Variants in BDH1 observed in about 807,000 individuals in gnomAD.
The protein encoded by BDH1 is 3-hydroxybutyrate dehydrogenase 1, also known as D-beta-hydroxybutyrate dehydrogenase, mitochondrial.
BDH1 carries 30 observed loss-of-function variants against 33.1 expected under a neutral mutation model. That is an observed-to-expected ratio of 0.91 (90% confidence interval 0.68 to 1.23). BDH1 has a LOEUF of 1.23. BDH1 is among the 50% of genes most tolerant of loss of function. BDH1 has a pLI of 0.00. For synonymous variants in BDH1, 190 were observed against 183.6 expected, an observed-to-expected ratio of 1.03 and a Z score of -0.28; for missense variants, 443 against 464.4, an observed-to-expected ratio of 0.95 and a Z score of 0.42.
chr3:197,550,719 T>C (rs1716494184), intron 2 of BDH1, among the ~76,000 whole-genome samples: 1 of 148,622 alleles, frequency 6.7e-6, no homozygotes, highest in Non-Finnish European at 1.5e-5. Context: ...GGGGATAAGA[T>C]GCTCATGCAG....
intron 1 of BDH1, chr3:197,555,500 C>G (rs1029552769): frequency 7.9e-5 from 12 of 152,276 alleles, no homozygotes; most frequent in African/African-American, 2.9e-4. Flanking sequence ...CCCAGGGCCT[C>G]CTCCTGCCTG....
rs1712063838 is a variant in BDH1, at chr3:197,511,918, A to C, written c.1009T>G (p.Ser337Ala). 4.5e-6 allele frequency: 7 copies of C among 1,567,750 alleles called. No homozygotes were observed. The South Asian group carries it at 7.3e-5, about 16-fold the overall frequency. ...QIMTHLPGAI[S>A]DMIYIR is the part of the protein sequence containing the mutation. ...CTTCAGCGGATGTAGATCATGTCGG[A>C]GATGGCTCCAGGCAAGTGGGTCATG... Residue 337 changes from serine to alanine, a missense_variant, in exon 8 of 8, where the codon TCC becomes GCC. By Grantham distance (99) the Ser-to-Ala change is moderately conservative. Transcript: ENST00000392379.
chr3:197,567,248 AAAG>A (rs1319400600), intron 1 of BDH1, among the ~76,000 whole-genome samples: 1 of 152,214 alleles, frequency 6.6e-6, no homozygotes, highest in South Asian at 2.1e-4. Flanking sequence ...TTTAAAAAGA[AAAG>A]GAGGGAAACG....
chr3:197,538,496 C>T, intron 3 of BDH1: 1 of 408,110 alleles, frequency 2.5e-6, no homozygotes, highest in Non-Finnish European at 4.9e-6. Context: ...GGACTACAGG[C>T]TTGCATCACC....
At chr3:197,535,512 A>C (rs964446232) in intron 3 of BDH1, among the ~76,000 whole-genome samples, 10 of 152,222 alleles carry the variant, frequency 6.6e-5, no homozygotes, top group African/African-American at 2.4e-4. Context: ...TCAGGATCTC[A>C]GTGTCCTCGT....
chr3:197,521,945 T>C lies in BDH1; in HGVS notation c.409+695A>G, dbSNP rs1022300190. Among the ~76,000 whole-genome samples, 13 of 152,152 alleles carry C rather than the reference T, an allele frequency of 8.5e-5. No individual in the cohort carries two copies. The highest frequency in any genetic ancestry group is 1.2e-4 in the African/African-American group (5 of 41,422). On this transcript the variant is annotated intron_variant, in intron 6 of 7. Coordinates refer to ENST00000392379, the MANE Select transcript of BDH1 (RefSeq NM_203314.3). This position sits in a 1 kb window ranked among gnomAD's most constrained non-coding sequence, Gnocchi z 4.9. ...CCCCTTCAGTGGCTCCCCAGTGCCA[T>C]TGGGAGACCAGCCATGTTCCCTCGC...
intron 5 of BDH1, among the ~76,000 whole-genome samples, chr3:197,531,858 G>A (rs1193692593): frequency 6.6e-6 from 1 of 152,120 alleles, no homozygotes; most frequent in African/African-American, 2.4e-5. Context: ...TCTACTTAAT[G>A]TGTCCCGAAG....
chr3:197,520,394 C>G lies in BDH1; in HGVS notation c.409+2246G>C, dbSNP rs1054233756. On this transcript the variant is annotated intron_variant, in intron 6 of 7. Coordinates refer to ENST00000392379, the MANE Select transcript of BDH1 (RefSeq NM_203314.3). The surrounding 1 kb of genome is among the most constrained non-coding windows in gnomAD (Gnocchi z 6.0). ...AAGCAGCAGGGAAAGGTCTGCGCGT[C>G]AGGCTGGTGCTGGGGTTGGAGCCCA... 6.6e-6 allele frequency among the ~76,000 whole-genome samples: 1 copy of G among 152,210 alleles called. No homozygotes were observed. The highest frequency in any genetic ancestry group is 1.5e-5 in the Non-Finnish European group (1 of 68,040).
intron 5 of BDH1, among the ~76,000 whole-genome samples, chr3:197,527,707 T>A (rs996062542): frequency 2.0e-5 from 3 of 152,084 alleles, no homozygotes; most frequent in African/African-American, 7.3e-5. Context: ...CTCCTGGAGC[T>A]CTGTACTGCA....
At chr3:197,540,955 C>T (rs115713824) in intron 3 of BDH1, among the ~76,000 whole-genome samples, 4,533 of 152,258 alleles carry the variant, frequency 0.03, 99 homozygotes, top group Middle Eastern at 0.082. Flanking sequence ...TACTCCTGGG[C>T]GGGCAGCTCC....
At chr3:197,544,391 A>T (rs1031629185) in intron 3 of BDH1, among the ~76,000 whole-genome samples, 1 of 152,290 alleles carries the variant, frequency 6.6e-6, no homozygotes, top group Admixed American at 6.5e-5. Flanking sequence ...CTAATGCCTC[A>T]TTTTCCTTAC....
intron 1 of BDH1, among the ~76,000 whole-genome samples, chr3:197,569,657 C>T (rs1317395796): frequency 1.3e-5 from 2 of 152,124 alleles, no homozygotes; most frequent in Non-Finnish European, 2.9e-5. Context: ...GGGGAAACCC[C>T]TTTTGCTTGG....
At position 197,569,254 on chromosome 3, in the gene BDH1, T is replaced by C. The variant is rs943698439; in HGVS notation, c.-44+3927A>G. Reference sequence around the variant, plus strand: ...TAGCTATTTGGAGTACAGTTTTTTTTTTCCTTTTTCTAGAGTTACAGGAAC... The same window carrying C: ...TAGCTATTTGGAGTACAGTTTTTTTCTTCCTTTTTCTAGAGTTACAGGAAC... On this transcript the variant is annotated intron_variant, in intron 1 of 6. Transcript: ENST00000358186. 3.9e-5 allele frequency among the ~76,000 whole-genome samples: 6 copies of C among 152,166 alleles called. 1 individual carries two copies. The highest frequency in any genetic ancestry group is 8.8e-5 in the Non-Finnish European group (6 of 68,026).
chr3:197,531,494 A>G (rs1196500956), intron 5 of BDH1, among the ~76,000 whole-genome samples: 1 of 149,820 alleles, frequency 6.7e-6, no homozygotes, highest in East Asian at 2.0e-4. Flanking sequence ...ACAACAGAAT[A>G]CCACTCAGCA....
At chr3:197,558,982 T>C (rs985965562), upstream of BDH1, among the ~76,000 whole-genome samples, 11 of 151,166 alleles carry the variant, frequency 7.3e-5, no homozygotes, top group African/African-American at 2.7e-4. Flanking sequence ...CTGCTTTCCA[T>C]CCTAAGTGGG....
chr3:197,569,870 C>T (rs1386508525), intron 1 of BDH1, among the ~76,000 whole-genome samples: 2 of 152,222 alleles, frequency 1.3e-5, no homozygotes, highest in Non-Finnish European at 2.9e-5. Flanking sequence ...TGGGGCACTG[C>T]TGTCAGGGTA....
At chr3:197,531,879 C>T (rs1214178045) in intron 5 of BDH1, among the ~76,000 whole-genome samples, 1 of 152,170 alleles carries the variant, frequency 6.6e-6, no homozygotes, top group Non-Finnish European at 1.5e-5. Context: ...GAGCCTCATG[C>T]TTTCAAGCCT....
intron 3 of BDH1, among the ~76,000 whole-genome samples, chr3:197,541,743 T>G (rs748789007): frequency 1.3e-5 from 2 of 152,152 alleles, no homozygotes; most frequent in Non-Finnish European, 2.9e-5. Flanking sequence ...ACTTTTTCCC[T>G]CACTGTTCTC....
At position 197,537,922 on chromosome 3, in the gene BDH1, C is replaced by T. The variant is rs1475877136; in HGVS notation, c.84-4361G>A. 4.6e-5 allele frequency among the ~76,000 whole-genome samples: 7 copies of T among 152,104 alleles called. No individual in the cohort carries two copies. In the East Asian group the frequency reaches 7.7e-4, roughly 17 times the overall value. ...AGCAAATTTTTGTTGGGGCTTTTTG[C>T]GTCTGAGCTTACTGGTATTTCTGGG... is the stretch of plus-strand genomic sequence containing the variant. On this transcript the variant is annotated intron_variant, in intron 3 of 7. Coordinates refer to ENST00000392379, the MANE Select transcript of BDH1 (RefSeq NM_203314.3).
Sources: allele counts gnomAD v4.1 joint callset (sites outside exome capture counted in the v4.1 genomes callset), GRCh38; gene constraint gnomAD v4.1.1; non-coding constraint Gnocchi (gnomAD v3.1); transcripts MANE v1.5; gene names NCBI Gene and HGNC (gene_info 2026-07-23, HGNC 2026-07-21).